PFKM: variants seen among roughly 807,000 people sequenced by gnomAD.
PFKM encodes the protein phosphofructokinase, muscle.
In PFKM, 58 loss-of-function variants were observed where a neutral mutation model predicts 95.5. The observed-to-expected ratio is 0.61, with a 90% CI of 0.49 to 0.76. The LOEUF is 0.76. Ranked by LOEUF, PFKM falls within the 30% of genes least tolerant of loss-of-function variation. The pLI is 0.00. For synonymous variants in PFKM, 336 were observed against 357.2 expected (o/e 0.94, Z 0.67); for missense variants, 678 against 1,005.4 (o/e 0.67, Z 4.40).
chr12:48,133,168 C>A, intron 5 of PFKM, 111 bp downstream of exon 5: 1 of 1,316,204 alleles, frequency 7.6e-7, no homozygotes, highest in Non-Finnish European at 1.1e-6. Flanking sequence ...AAAATGTTAC[C>A]CAGACACAAA....
Position 48,134,888 on chromosome 12 carries a change from T to C in PFKM, c.748-55T>C, listed in dbSNP as rs903565217. 23 of 1,584,916 alleles carry C rather than the reference T, an allele frequency of 1.5e-5. No homozygotes were observed. The African/African-American group carries it at 1.9e-4, about 13-fold the overall frequency. ...CTCACCCTGTTCCACTGATGATCTC[T>C]TTCCCACCCATCAGCTTCATTCCAT... On this transcript the variant is annotated intron_variant, in intron 8 of 22. Coordinates refer to ENST00000359794, the MANE Select transcript of PFKM (RefSeq NM_000289.6).
At chr12:48,112,421 G>A (rs757583069) in intron 3 of PFKM, among the ~76,000 whole-genome samples, 9 of 152,164 alleles carry the variant, frequency 5.9e-5, no homozygotes, top group Non-Finnish European at 1.2e-4. Context: ...GAAGAATTAT[G>A]TTGAGATAGG....
At chr12:48,144,883 C>T (rs904837584) in intron 20 of PFKM, 148 bp from the exon 21 acceptor site, 8 of 697,868 alleles carry the variant, frequency 1.1e-5, no homozygotes, top group Admixed American at 6.8e-5. Flanking sequence ...GGCACTGCCT[C>T]AGGGCACCCT....
At chr12:48,116,812 G>T (rs778534674), upstream of PFKM, among the ~76,000 whole-genome samples, 26 of 152,156 alleles carry the variant, frequency 1.7e-4, no homozygotes, top group Non-Finnish European at 2.5e-4. Context: ...TTGCATTAGT[G>T]TGGTACACTT....
chr12:48,141,149 G>C (rs1290137981), intron 14 of PFKM, among the ~76,000 whole-genome samples, 162 bp from the exon 15 acceptor site: 1 of 152,156 alleles, frequency 6.6e-6, no homozygotes, highest in African/African-American at 2.4e-5. Flanking sequence ...GAGCAGTAAG[G>C]GTAGAAGAAG....
rs1223915629 is a variant in PFKM, at chr12:48,133,358, C to T, written c.471C>T (p.Asn157=). The change falls in exon 6 of 23, where the codon AAC becomes AAT. Residue 157 remains asparagine, a synonymous_variant. Transcript: ENST00000359794. ...DEEATKSSYL[N]IVGLVGSIDN... The stretch of plus-strand genomic sequence containing the variant: ...AGGCTACGAAGTCCAGCTACCTGAA[C>T]ATTGTGGGCCTGGTTGGGTCAATTG... The T allele has an allele frequency of 4.3e-6, 7 of 1,613,940 alleles. No homozygotes were observed. Among genetic ancestry groups the T allele is most frequent in the African/African-American group, 4.0e-5 (3 of 74,922 alleles).
chr12:48,127,844 C>A (rs140659139), intron 2 of PFKM, among the ~76,000 whole-genome samples: 1 of 152,150 alleles, frequency 6.6e-6, no homozygotes, highest in Admixed American at 6.5e-5. Context: ...GACCTTCTCC[C>A]GAAAGAAATG....
At chr12:48,107,972 C>A in intron 2 of PFKM, 1 of 1,222,470 alleles carries the variant, frequency 8.2e-7, no homozygotes, top group Non-Finnish European at 1.1e-6. Context: ...GGAAAGAAAG[C>A]CCTGGACAGC....
Position 48,145,084 on chromosome 12 carries a change from G to A in PFKM, c.2046G>A (p.Lys682=), listed in dbSNP as rs1365931883. The A allele has an allele frequency of 1.2e-6, 2 of 1,614,184 alleles. No individual in the cohort carries two copies. The highest frequency in any genetic ancestry group is 1.3e-5 in the African/African-American group (1 of 75,042). ...DRNFATKMGA[K]AMNWMSGKIK... Reference sequence around the variant, plus strand: ...ATTTTGCCACTAAGATGGGCGCCAAGGCTATGAACTGGATGTCTGGGAAAA... The same window carrying A: ...ATTTTGCCACTAAGATGGGCGCCAAAGCTATGAACTGGATGTCTGGGAAAA... The change falls in exon 21 of 23, where the codon AAG becomes AAA. Residue 682 remains lysine (K), a synonymous_variant. Coordinates refer to ENST00000359794, the MANE Select transcript of PFKM (RefSeq NM_000289.6). The surrounding 1 kb of genome is among the most constrained non-coding windows in gnomAD (Gnocchi z 4.3).
At chr12:48,126,539 G>T (rs182248001) in intron 2 of PFKM, among the ~76,000 whole-genome samples, 158 of 152,256 alleles carry the variant, frequency 1.0e-3, no homozygotes, top group Admixed American at 2.1e-3. Context: ...AACAGATTTG[G>T]ATAGTCCCTG....
intron 3 of PFKM, among the ~76,000 whole-genome samples, chr12:48,114,332 G>T (rs890352827): frequency 3.3e-5 from 5 of 152,272 alleles, no homozygotes; most frequent in Non-Finnish European, 7.4e-5. Flanking sequence ...TTCGGGAAAG[G>T]TCTGATAGAG....
In PFKM at chr12:48,146,224, G is replaced by A; in HGVS notation, c.*516G>A. The A allele has an allele frequency of 5.6e-6, 1 of 177,660 alleles. No individual in the cohort carries two copies. The highest frequency in any genetic ancestry group is 1.2e-5 in the Non-Finnish European group (1 of 82,134). The allele number at this position is 177,660 out of a possible 1,614,324, so 11.0% of individuals were successfully genotyped here. ...AGGGTATCACAGGGGGTGGAGGAAG[G>A]GATTATCTCTAGTACACTACTTGCT... On this transcript the variant is annotated 3_prime_UTR_variant, in exon 23 of 23. Coordinates refer to ENST00000359794, the MANE Select transcript of PFKM (RefSeq NM_000289.6).
intron 19 of PFKM, 39 bp downstream of exon 19, chr12:48,143,853 A>G (rs771961252): frequency 6.6e-7 from 1 of 1,520,428 alleles, no homozygotes; most frequent in Admixed American, 1.7e-5. Context: ...GAAGAAGAAA[A>G]ATAAGCTTTG....
intron 3 of PFKM, among the ~76,000 whole-genome samples, chr12:48,112,106 G>T (rs1336972636): frequency 1.3e-5 from 2 of 152,154 alleles, no homozygotes; most frequent in East Asian, 1.9e-4. Flanking sequence ...CGACTGCACG[G>T]CCCTGCACTT....
intron 18 of PFKM, 86 bp from the exon 19 acceptor site, chr12:48,143,667 T>TC: frequency 2.1e-6 from 2 of 951,226 alleles, no homozygotes; most frequent in Non-Finnish European, 3.5e-6. Context: ...GTCTCTTCCT[T>TC]CCTGGAGAGG....
chr12:48,111,065 A>G (rs1352915287), intron 3 of PFKM, among the ~76,000 whole-genome samples: 1 of 152,188 alleles, frequency 6.6e-6, no homozygotes. Flanking sequence ...CCAGGCTCTG[A>G]TCCAGCAGAT....
chr12:48,119,178 A>T, upstream of PFKM: 1 of 588,922 alleles, frequency 1.7e-6, no homozygotes, highest in South Asian at 7.2e-5. Context: ...AGCCGCTGCC[A>T]TATCTGAGCT....
chr12:48,105,904 C>A (rs916614212), upstream of PFKM: 2 of 627,282 alleles, frequency 3.2e-6, no homozygotes, highest in East Asian at 2.8e-5. Context: ...GAAAAGGCGC[C>A]GGCCCCACAG....
Position 48,139,899 on chromosome 12 carries a change from C to G in PFKM, c.1178C>G (p.Pro393Arg), listed in dbSNP as rs1950427996. The G allele has an allele frequency of 6.2e-7, 1 of 1,610,696 alleles. No individual in the cohort carries two copies. Among genetic ancestry groups the G allele is most frequent in the African/African-American group, 1.3e-5 (1 of 74,868 alleles). Residue 393 changes from proline to arginine, a missense_variant, in exon 13 of 23, where the codon CCC becomes CGC. Physicochemically the swap from Pro to Arg is moderately radical, Grantham distance 103. Coordinates refer to ENST00000359794, the MANE Select transcript of PFKM (RefSeq NM_000289.6). Reference sequence around the variant, plus strand: ...TACAAGCTTCTAGCTCATGTCAGACCCCCGGTATCTAAGGTACTGGCAAGT... The same window carrying G: ...TACAAGCTTCTAGCTCATGTCAGACGCCCGGTATCTAAGGTACTGGCAAGT... ...EVYKLLAHVR[P>R]PVSKSGSHTV...
Sources: allele counts gnomAD v4.1 joint callset (sites outside exome capture counted in the v4.1 genomes callset), GRCh38; gene constraint gnomAD v4.1.1; non-coding constraint Gnocchi (gnomAD v3.1); transcripts MANE v1.5; gene names NCBI Gene and HGNC (gene_info 2026-07-23, HGNC 2026-07-21).